Variants in PLEKHO2 observed in about 807,000 individuals in gnomAD.
The protein encoded by PLEKHO2 is pleckstrin homology domain containing O2.
In PLEKHO2, 20 loss-of-function variants were observed where a neutral mutation model predicts 32.7. The observed-to-expected ratio is 0.61, with a 90% CI of 0.43 to 0.89. The LOEUF is 0.89. Among genes scored for constraint, PLEKHO2 ranks in the 40% least tolerant of loss-of-function variants. PLEKHO2 has a pLI of 0.00. For synonymous variants in PLEKHO2, 247 were observed against 246.3 expected (o/e 1.00, Z -0.03); for missense variants, 568 against 621.2 (o/e 0.91, Z 0.91).
chr15:64,858,640 G>A (rs1205076058), intron 3 of PLEKHO2, among the ~76,000 whole-genome samples: 2 of 152,240 alleles, frequency 1.3e-5, no homozygotes, highest in South Asian at 4.1e-4. Context: ...TTACAGACGA[G>A]GAAACAAACT....
chr15:64,861,541 G>A lies in PLEKHO2; in HGVS notation c.449G>A (p.Arg150Gln), dbSNP rs1363628212. Reference sequence around the variant, plus strand: ...CGGGACCGGGTGCGAGGGGGCCAGCGACGCCGGCCACCAACGAGAGTCCAC... The same window carrying A: ...CGGGACCGGGTGCGAGGGGGCCAGCAACGCCGGCCACCAACGAGAGTCCAC... ...VTRDRVRGGQ[R>Q]RRPPTRVHLK... Residue 150 changes from arginine (R) to glutamine (Q), a missense_variant, in exon 5 of 6, where the codon CGA becomes CAA. Physicochemically the swap from Arg to Gln is conservative, Grantham distance 43. Coordinates refer to ENST00000323544, the MANE Select transcript of PLEKHO2 (RefSeq NM_025201.5). The A allele has an allele frequency of 1.2e-6, 2 of 1,608,060 alleles. No homozygotes were observed. Among genetic ancestry groups the A allele is most frequent in the Non-Finnish European group, 1.7e-6 (2 of 1,177,974 alleles).
intron 1 of PLEKHO2, among the ~76,000 whole-genome samples, chr15:64,845,016 C>T (rs528906968): frequency 4.6e-5 from 7 of 152,286 alleles, no homozygotes; most frequent in South Asian, 2.1e-4. Flanking sequence ...CTCAATGCCC[C>T]GGCACAGGAC....
intron 2 of PLEKHO2, among the ~76,000 whole-genome samples, chr15:64,854,680 C>T (rs1248800626): frequency 9.9e-5 from 15 of 152,246 alleles, no homozygotes; most frequent in Admixed American, 8.5e-4. Flanking sequence ...GGCACATACG[C>T]GCCTCTGGGC....
intron 2 of PLEKHO2, among the ~76,000 whole-genome samples, chr15:64,852,049 G>T (rs987817296): frequency 6.6e-6 from 1 of 152,162 alleles, no homozygotes; most frequent in Non-Finnish European, 1.5e-5. Context: ...AGAAGGATAA[G>T]CAGATAGATA....
chr15:64,859,728 C>G (rs2084629834), intron 3 of PLEKHO2, among the ~76,000 whole-genome samples, 166 bp from the exon 4 acceptor site: 1 of 152,236 alleles, frequency 6.6e-6, no homozygotes, highest in African/African-American at 2.4e-5. Flanking sequence ...GTGGGGAGGG[C>G]TTCTCTGTGA....
chr15:64,863,261 C>T lies in PLEKHO2; in HGVS notation c.484-1638C>T, dbSNP rs558340811. ...TTGCAGCGTATTTTCTAAAAGGAGT[C>T]GATTTAGGGCTGTCCCGGGGTGCAG... On this transcript the variant is annotated intron_variant, in intron 5 of 5. Transcript: ENST00000323544. Among the ~76,000 whole-genome samples the T allele has an allele frequency of 5.3e-5, 8 of 152,076 alleles. No homozygotes were observed. The South Asian group carries it at 6.2e-4, about 12-fold the overall frequency.
In PLEKHO2 at chr15:64,862,829, A is replaced by G. The variant is rs577040916; in HGVS notation, c.483+1254A>G. On this transcript the variant is annotated intron_variant, in intron 5 of 5. Coordinates refer to ENST00000323544, the MANE Select transcript of PLEKHO2 (RefSeq NM_025201.5). ...TTTAGGGTACATGTGCACAATGTGCAGGTTAGTTACATATGTATACATGTG... is the reference window on the plus strand; with the variant it reads ...TTTAGGGTACATGTGCACAATGTGCGGGTTAGTTACATATGTATACATGTG... Among the ~76,000 whole-genome samples the G allele has an allele frequency of 8.5e-5, 13 of 152,064 alleles. No homozygotes were observed. The East Asian group carries it at 1.2e-3, about 14-fold the overall frequency.
chr15:64,842,874 A>C (rs533853308), intron 1 of PLEKHO2, among the ~76,000 whole-genome samples: 1 of 152,224 alleles, frequency 6.6e-6, no homozygotes, highest in East Asian at 1.9e-4. Flanking sequence ...CGCAGCAAGC[A>C]CTTAATATAT....
intron 3 of PLEKHO2, among the ~76,000 whole-genome samples, chr15:64,856,948 T>TC (rs5813326): frequency 0.18 from 27,992 of 151,958 alleles, 3,582 homozygotes; most frequent in East Asian, 0.75. Flanking sequence ...CCGCCTTTTT[T>TC]CCCCTCTAAT....
chr15:64,864,794 C>A, intron 5 of PLEKHO2, 105 bp from the exon 6 acceptor site: 1 of 1,271,682 alleles, frequency 7.9e-7, no homozygotes, highest in Non-Finnish European at 1.1e-6. Flanking sequence ...GAGCTGGGGG[C>A]CTGGACAACC....
intron 1 of PLEKHO2, among the ~76,000 whole-genome samples, chr15:64,844,272 A>G (rs1522748): frequency 0.72 from 109,405 of 152,144 alleles, 40,439 homozygotes; most frequent in East Asian, 0.94. Flanking sequence ...TGCAACGGGC[A>G]GGCTGGTAGC....
chr15:64,866,489 A>C lies in PLEKHO2; in HGVS notation c.*601A>C, dbSNP rs546618806. ...GAGGGAGATGAGAGGCCTCTTTGTG[A>C]GGAGGACATTAGCTGTGTGGCCTCT... On this transcript the variant is annotated 3_prime_UTR_variant, in exon 6 of 6. Transcript: ENST00000323544. 3 of 433,754 alleles carry C rather than the reference A, an allele frequency of 6.9e-6. No homozygotes were observed. In the East Asian group the frequency reaches 2.1e-4, roughly 31 times the overall value. The allele number at this position is 433,754 out of a possible 1,614,324, so 26.9% of individuals were successfully genotyped here. A position where few individuals can be genotyped will look rare whatever the true frequency, so the allele number is the denominator to read the frequency against.
At chr15:64,851,040 C>T (rs534134993) in intron 2 of PLEKHO2, among the ~76,000 whole-genome samples, 13 of 152,228 alleles carry the variant, frequency 8.5e-5, no homozygotes, top group Non-Finnish European at 1.5e-4. Flanking sequence ...GATTAGGCAA[C>T]CTGGATCCAA....
intron 4 of PLEKHO2, 71 bp downstream of exon 4, chr15:64,860,069 C>G: frequency 1.1e-5 from 15 of 1,335,078 alleles, no homozygotes; most frequent in Non-Finnish European, 1.6e-5. Context: ...AGGAGAGGAC[C>G]CTGCCCCTCC....
intron 3 of PLEKHO2, among the ~76,000 whole-genome samples, chr15:64,855,665 CG>C (rs145649299): frequency 0.018 from 2,811 of 152,270 alleles, 92 homozygotes; most frequent in African/African-American, 0.066. Context: ...ATTTCTCTGG[CG>C]GGGAGTCTGG....
Position 64,867,630 on chromosome 15 carries a change from G to T in PLEKHO2, c.*1742G>T, listed in dbSNP as rs2084698711. The T allele has an allele frequency of 6.6e-6, 1 of 152,236 alleles. No homozygotes were observed. The highest frequency in any genetic ancestry group is 1.5e-5 in the Non-Finnish European group (1 of 68,084). 9.4% of individuals were successfully genotyped at this position (152,236 alleles called of 1,614,324 possible). A position where few individuals can be genotyped will look rare whatever the true frequency, so the allele number is the denominator to read the frequency against. On this transcript the variant is annotated 3_prime_UTR_variant, in exon 6 of 6. Transcript: ENST00000323544. ...AAGCCACCTACTGCCAGGAATTGGA[G>T]CCTCAGTTCCCTCCTGTGTCAAGTA...
At position 64,852,105 on chromosome 15, in the gene PLEKHO2, CTG is replaced by C. The variant is rs572233451; in HGVS notation, c.163-2812_163-2811del. 7.9e-5 allele frequency among the ~76,000 whole-genome samples: 12 copies of C among 152,266 alleles called. No individual in the cohort carries two copies. The South Asian group carries it at 1.0e-3, about 13-fold the overall frequency. On this transcript the variant is annotated intron_variant, in intron 2 of 5. Coordinates refer to ENST00000323544, the MANE Select transcript of PLEKHO2 (RefSeq NM_025201.5). ...AAGATGGCCAAGCAGGGAGTCAGGA[CTG>C]TGTTTTCCCATGGCAGGACTCGGCT...
chr15:64,865,111 C>T lies in PLEKHO2; in HGVS notation c.696C>T (p.Thr232=), dbSNP rs986054990. 9.3e-6 allele frequency: 15 copies of T among 1,613,982 alleles called. No individual in the cohort carries two copies. The East Asian group carries it at 1.8e-4, about 19-fold the overall frequency. The change falls in exon 6 of 6, where the codon ACC becomes ACT. Residue 232 remains threonine, a synonymous_variant. Coordinates refer to ENST00000323544, the MANE Select transcript of PLEKHO2 (RefSeq NM_025201.5). ...VETPVGERAP[T]PVSASSEVSP... is the part of the protein sequence containing the mutation. ...CCCCTGTGGGGGAGAGAGCCCCAACCCCTGTCTCAGCAAGCTCTGAGGTCT... is the reference window on the plus strand; with the variant it reads ...CCCCTGTGGGGGAGAGAGCCCCAACTCCTGTCTCAGCAAGCTCTGAGGTCT...
At position 64,865,000 on chromosome 15, in the gene PLEKHO2, A is replaced by G; in HGVS notation, c.585A>G (p.Gln195=). 1 of 1,614,084 alleles carries G rather than the reference A, an allele frequency of 6.2e-7. No homozygotes were observed. The highest frequency in any genetic ancestry group is 1.1e-5 in the South Asian group (1 of 91,076). Reference sequence around the variant, plus strand: ...CCAGCAATCATGTCAGTGAAGCCCAACCTCGGGAGACACCCCGGCCCCTCA... The same window carrying G: ...CCAGCAATCATGTCAGTGAAGCCCAGCCTCGGGAGACACCCCGGCCCCTCA... ...FAPSNHVSEA[Q]PRETPRPLMP... Residue 195 remains glutamine (Q), a synonymous_variant, in exon 6 of 6, where the codon CAA becomes CAG. Transcript: ENST00000323544.
Sources: allele counts gnomAD v4.1 joint callset (sites outside exome capture counted in the v4.1 genomes callset), GRCh38; gene constraint gnomAD v4.1.1; transcripts MANE v1.5; gene names NCBI Gene and HGNC (gene_info 2026-07-23, HGNC 2026-07-21).